Variants in ARID2 observed in about 807,000 individuals in gnomAD.
The protein encoded by ARID2 is AT-rich interactive domain-containing protein 2.
In ARID2, 32 loss-of-function variants were observed where a neutral mutation model predicts 184.6. The observed-to-expected ratio is 0.17, with a 90% CI of 0.13 to 0.23. The LOEUF is 0.23. ARID2 is among the 10% of genes least tolerant of loss of function. ARID2 has a pLI of 1.00. For missense variants in ARID2, 1,696 were observed against 2,197.6 expected, an observed-to-expected ratio of 0.77 and a Z score of 4.56; for synonymous variants, 836 against 772.6, an observed-to-expected ratio of 1.08 and a Z score of -1.36.
chr12:45,791,272 C>T (rs1942285972), intron 3 of ARID2, among the ~76,000 whole-genome samples: 1 of 151,558 alleles, frequency 6.6e-6, no homozygotes, highest in South Asian at 2.1e-4. Context: ...AGCTGTGTTT[C>T]CTTTTAATTG....
chr12:45,906,341 C>T lies in ARID2; in HGVS notation c.*1263C>T, dbSNP rs1944530854. ...ACTTCCTTAAATTGTCTTTTTTCCC[C>T]CAGCGTGAAATGTATCCATTTATAA... On this transcript the variant is annotated 3_prime_UTR_variant, in exon 21 of 21. Transcript: ENST00000334344. The T allele has an allele frequency of 1.7e-5, 4 of 233,060 alleles. No homozygotes were observed. In the South Asian group the frequency reaches 7.2e-4, roughly 42 times the overall value. 14.4% of individuals were successfully genotyped at this position (233,060 alleles called of 1,614,324 possible). A position where few individuals can be genotyped will look rare whatever the true frequency, so the allele number is the denominator to read the frequency against.
In ARID2 at chr12:45,852,916, C is replaced by A. The variant is rs1943583479; in HGVS notation, c.4773+20C>A. The A allele has an allele frequency of 6.5e-7, 1 of 1,528,212 alleles. No homozygotes were observed. The highest frequency in any genetic ancestry group is 1.3e-5 in the South Asian group (1 of 77,598). 94.7% of individuals were successfully genotyped at this position (1,528,212 alleles called of 1,614,324 possible). On this transcript the variant is annotated intron_variant, in intron 15 of 20. Coordinates refer to ENST00000334344, the MANE Select transcript of ARID2 (RefSeq NM_152641.4). ...CCGCAGGTAAGTTATTCCATGATCACATTTCTCTTATGAAATTTCTGATCT... is the reference window on the plus strand; with the variant it reads ...CCGCAGGTAAGTTATTCCATGATCAAATTTCTCTTATGAAATTTCTGATCT...
At chr12:45,904,751 C>T (rs1049794484) in intron 20 of ARID2, among the ~76,000 whole-genome samples, 183 bp from the exon 21 acceptor site, 2 of 151,048 alleles carry the variant, frequency 1.3e-5, no homozygotes, top group Admixed American at 6.6e-5. Context: ...AATAGTCAGC[C>T]TCAGTTTATC....
intron 16 of ARID2, among the ~76,000 whole-genome samples, chr12:45,878,031 G>C (rs1196302950): frequency 6.6e-6 from 1 of 152,162 alleles, no homozygotes; most frequent in African/African-American, 2.4e-5. Flanking sequence ...TCTTTCAACA[G>C]TTTAAATATC....
chr12:45,834,235 G>GT (rs1943173499), intron 6 of ARID2, among the ~76,000 whole-genome samples: 1 of 151,328 alleles, frequency 6.6e-6, no homozygotes, highest in Admixed American at 6.6e-5. Flanking sequence ...TCACTTGAAA[G>GT]TATTTTTCTA....
chr12:45,786,992 TG>T lies in ARID2; in HGVS notation c.285-24421del, dbSNP rs1942206274. ...TTCCAGAGGCTGGAAGTTGTGGAGA[TG>T]GGGGAGATGTCGGTCAAAGGTTACA... On this transcript the variant is annotated intron_variant, in intron 3 of 20. Coordinates refer to ENST00000334344, the MANE Select transcript of ARID2 (RefSeq NM_152641.4). Among the ~76,000 whole-genome samples the T allele has an allele frequency of 3.3e-5, 5 of 152,024 alleles. No individual in the cohort carries two copies. In the South Asian group the frequency reaches 1.0e-3, roughly 32 times the overall value.
At chr12:45,740,508 A>T (rs1210292714) in intron 3 of ARID2, among the ~76,000 whole-genome samples, 1 of 152,154 alleles carries the variant, frequency 6.6e-6, no homozygotes, top group Non-Finnish European at 1.5e-5. Context: ...TACACACATT[A>T]TCACTGTCGT....
chr12:45,893,427 A>G lies in ARID2; in HGVS notation c.5155A>G (p.Thr1719Ala), dbSNP rs373875150. The G allele has an allele frequency of 7.4e-6, 12 of 1,612,582 alleles. No homozygotes were observed. The highest frequency in any genetic ancestry group is 6.7e-5 in the East Asian group (3 of 44,776). ...GSQKSSTKQP[T>A]VGGTSSTPRA... ...TCTCTCTGATCAATTTAGGCAGCCA[A>G]CTGTAGGGGGCACAAGCTCAACTCC... Residue 1719 changes from threonine (T) to alanine (A), a missense_variant, in exon 19 of 21, where the codon ACT becomes GCT. Physicochemically the swap from Thr to Ala is moderately conservative, Grantham distance 58 (BLOSUM62 0). Coordinates refer to ENST00000334344, the MANE Select transcript of ARID2 (RefSeq NM_152641.4).
intron 3 of ARID2, among the ~76,000 whole-genome samples, chr12:45,808,435 T>G (rs942108767): frequency 1.2e-4 from 18 of 152,176 alleles, no homozygotes; most frequent in African/African-American, 4.3e-4. Flanking sequence ...CATAACAGCC[T>G]AAATCATAAA....
intron 3 of ARID2, among the ~76,000 whole-genome samples, chr12:45,762,594 C>G (rs1250286150): frequency 2.0e-5 from 3 of 152,286 alleles, no homozygotes; most frequent in South Asian, 4.1e-4. Flanking sequence ...TAAAGATGCC[C>G]TACCATTATC....
chr12:45,739,438 C>CTTTTTTTTT (rs71067906), intron 3 of ARID2, among the ~76,000 whole-genome samples: 6 of 90,748 alleles, frequency 6.6e-5, no homozygotes, highest in Non-Finnish European at 9.8e-5. Flanking sequence ...TATAAAGTTA[C>CTTTTTTTTT]TTTTTTTTTT....
At chr12:45,730,208 T>C (rs1940953166) in intron 2 of ARID2, 71 bp downstream of exon 2, 3 of 1,494,026 alleles carry the variant, frequency 2.0e-6, no homozygotes, top group Non-Finnish European at 2.8e-6. Context: ...GACCCCGGAG[T>C]GGGCGCTTGG....
At chr12:45,788,259 C>G (rs1037298422) in intron 3 of ARID2, among the ~76,000 whole-genome samples, 1 of 152,134 alleles carries the variant, frequency 6.6e-6, no homozygotes, top group Non-Finnish European at 1.5e-5. Context: ...TTATTACATG[C>G]ATAGCAACTT....
chr12:45,858,413 A>AC (rs1444304866), intron 15 of ARID2, among the ~76,000 whole-genome samples: 2 of 151,978 alleles, frequency 1.3e-5, no homozygotes, highest in Non-Finnish European at 2.9e-5. Context: ...TTGCTCTTTA[A>AC]CCCCTCCTCC....
intron 20 of ARID2, 66 bp from the exon 21 acceptor site, chr12:45,904,868 A>C: frequency 6.4e-7 from 1 of 1,563,180 alleles, no homozygotes; most frequent in South Asian, 1.2e-5. Context: ...AAACTTGCAA[A>C]ATTCATGATA....
intron 3 of ARID2, among the ~76,000 whole-genome samples, chr12:45,742,135 T>G (rs983116489): frequency 6.6e-6 from 1 of 152,204 alleles, no homozygotes; most frequent in Non-Finnish European, 1.5e-5. Context: ...TACAGATTTG[T>G]TTGAAGTTCT....
chr12:45,747,458 T>C (rs1471249691), intron 3 of ARID2, among the ~76,000 whole-genome samples: 2 of 152,108 alleles, frequency 1.3e-5, no homozygotes, highest in African/African-American at 4.8e-5. Context: ...ATCAGAGTCT[T>C]GGGGTCAAGG....
chr12:45,855,934 C>T (rs1210066526), intron 15 of ARID2, among the ~76,000 whole-genome samples: 1 of 151,998 alleles, frequency 6.6e-6, no homozygotes, highest in East Asian at 1.9e-4. Flanking sequence ...CCCTATGTTG[C>T]CCAGGCTGGT....
chr12:45,738,682 A>T (rs1323884691), intron 3 of ARID2, among the ~76,000 whole-genome samples: 3 of 152,084 alleles, frequency 2.0e-5, no homozygotes, highest in Non-Finnish European at 4.4e-5. Flanking sequence ...AAAAAATAAC[A>T]ACTAGGAAAA....
Sources: allele counts gnomAD v4.1 joint callset (sites outside exome capture counted in the v4.1 genomes callset), GRCh38; gene constraint gnomAD v4.1.1; transcripts MANE v1.5; gene names NCBI Gene and HGNC (gene_info 2026-07-23, HGNC 2026-07-21).